Variants in ZFYVE1 observed in about 807,000 individuals in gnomAD.
The protein encoded by ZFYVE1 is zinc finger FYVE domain-containing protein 1.
A neutral mutation model predicts 74.4 loss-of-function variants in ZFYVE1; 30 were observed. The ratio of observed to expected loss-of-function variants is 0.40; its 90% CI spans 0.30 to 0.55. ZFYVE1 has a LOEUF of 0.55. Ranked by LOEUF, ZFYVE1 falls within the 20% of genes least tolerant of loss-of-function variation. The probability of loss-of-function intolerance (pLI) is 0.42; values close to 1 mark genes in which losing one functional copy is unlikely to be tolerated. For missense variants in ZFYVE1, 703 were observed against 1,011.6 expected, an observed-to-expected ratio of 0.69 and a Z score of 4.14; for synonymous variants, 335 against 385.1, an observed-to-expected ratio of 0.87 and a Z score of 1.52.
chr14:73,016,577 G>A (rs950894998), intron 2 of ZFYVE1, among the ~76,000 whole-genome samples: 53 of 151,734 alleles, frequency 3.5e-4, no homozygotes, highest in African/African-American at 1.3e-3. Context: ...GTTCCACCGA[G>A]GCCTAGAAAA....
At chr14:73,014,331 G>T (rs771380167) in intron 2 of ZFYVE1, among the ~76,000 whole-genome samples, 15 of 152,176 alleles carry the variant, frequency 9.9e-5, no homozygotes, top group Non-Finnish European at 2.2e-4. Context: ...GCACATAATA[G>T]GGTTTCTTTC....
chr14:72,993,647 T>C (rs12881153), intron 3 of ZFYVE1, among the ~76,000 whole-genome samples: 45,550 of 150,378 alleles, frequency 0.3, 7,240 homozygotes, highest in Middle Eastern at 0.4. Context: ...TGCAGTAAGC[T>C]GAAATCGCAC....
chr14:72,973,176 C>T (rs1048586546), intron 11 of ZFYVE1, among the ~76,000 whole-genome samples: 1 of 152,036 alleles, frequency 6.6e-6, no homozygotes, highest in Non-Finnish European at 1.5e-5. Flanking sequence ...TGCCTGTCTG[C>T]AGTCCTAGGC....
At chr14:72,997,765 T>C in intron 3 of ZFYVE1, 46 bp downstream of exon 3, 1 of 1,532,958 alleles carries the variant, frequency 6.5e-7, no homozygotes, top group African/African-American at 1.4e-5. Context: ...AGCTGCCTCC[T>C]TGTACCCATA....
intron 2 of ZFYVE1, among the ~76,000 whole-genome samples, chr14:73,013,225 T>C (rs1894124941): frequency 6.6e-6 from 1 of 152,172 alleles, no homozygotes; most frequent in African/African-American, 2.4e-5. Context: ...GGAAAACTTC[T>C]CTGCCCCAAG....
chr14:72,988,577 T>C (rs61986507), intron 4 of ZFYVE1, among the ~76,000 whole-genome samples: 23,640 of 150,520 alleles, frequency 0.16, 1,901 homozygotes, highest in East Asian at 0.2. Flanking sequence ...GAGGCGGAGG[T>C]GGGCGGGTCA....
chr14:73,008,732 T>A (rs1263842454), intron 2 of ZFYVE1, among the ~76,000 whole-genome samples: 1 of 152,138 alleles, frequency 6.6e-6, no homozygotes, highest in Non-Finnish European at 1.5e-5. Context: ...GCATAGCATA[T>A]CCATATTTGG....
intron 11 of ZFYVE1, among the ~76,000 whole-genome samples, chr14:72,973,601 A>G (rs778427852): frequency 7.2e-5 from 11 of 152,154 alleles, no homozygotes; most frequent in Non-Finnish European, 1.2e-4. Context: ...TGCCAAAGAA[A>G]CCACTGAAGA....
intron 11 of ZFYVE1, among the ~76,000 whole-genome samples, chr14:72,971,326 T>C (rs1298641555): frequency 6.6e-6 from 1 of 152,190 alleles, no homozygotes; most frequent in Non-Finnish European, 1.5e-5. Flanking sequence ...TTTTCCCTTT[T>C]CCTTTTTCAC....
intron 4 of ZFYVE1, among the ~76,000 whole-genome samples, chr14:72,983,385 TCCC>T (rs370638041): frequency 7.1e-5 from 9 of 127,620 alleles, no homozygotes; most frequent in Non-Finnish European, 1.1e-4. Context: ...TGTGTGATGT[TCCC>T]CCCCTTCCTG....
chr14:73,014,876 G>A (rs530959396), intron 2 of ZFYVE1, among the ~76,000 whole-genome samples: 1 of 152,258 alleles, frequency 6.6e-6, no homozygotes, highest in African/African-American at 2.4e-5. Context: ...ATGAACAGCA[G>A]ACAAGCCTGA....
At chr14:73,013,859 G>A (rs542651505) in intron 2 of ZFYVE1, among the ~76,000 whole-genome samples, 19 of 152,232 alleles carry the variant, frequency 1.2e-4, no homozygotes, top group Admixed American at 1.0e-3. Flanking sequence ...ATGATCTCAT[G>A]AGAGCTCCTC....
Position 72,984,326 on chromosome 14 carries a change from C to T in ZFYVE1, c.1204-2431G>A, listed in dbSNP as rs375591026. 1.1e-3 allele frequency among the ~76,000 whole-genome samples: 161 copies of T among 152,138 alleles called. 4 individuals carry two copies. The South Asian group carries it at 0.032, about 30-fold the overall frequency. On this transcript the variant is annotated intron_variant, in intron 4 of 11. Coordinates refer to ENST00000556143, the MANE Select transcript of ZFYVE1 (RefSeq NM_021260.4). ...TGGGTGGATCACGAGGTCAGGAGTT[C>T]GAGACCAGCCTGTCCAGCATGGTGA...
chr14:72,998,340 T>G, intron 2 of ZFYVE1, 25 bp from the exon 3 acceptor site: 11 of 1,398,166 alleles, frequency 7.9e-6, no homozygotes, highest in Non-Finnish European at 8.6e-6. Context: ...AAAAAGACCA[T>G]GAAATACAGA....
intron 2 of ZFYVE1, among the ~76,000 whole-genome samples, chr14:73,007,851 G>A (rs1001901418): frequency 5.9e-5 from 9 of 152,140 alleles, no homozygotes; most frequent in African/African-American, 2.2e-4. Context: ...ATCCTAAAGG[G>A]TATGTATACC....
At chr14:73,007,972 C>G (rs114632018) in intron 2 of ZFYVE1, among the ~76,000 whole-genome samples, 128 of 152,328 alleles carry the variant, frequency 8.4e-4, no homozygotes, top group African/African-American at 3.0e-3. Context: ...CACAAACACA[C>G]TGAGCACATT....
Position 72,974,942 on chromosome 14 carries a change from C to T in ZFYVE1, c.1824G>A (p.Ala608=), listed in dbSNP as rs767647999. The change falls in exon 10 of 12, where the codon GCG becomes GCA. Residue 608 remains alanine, a synonymous_variant. Transcript: ENST00000556143. ...TAGTGTCGTTATCTTTAAAGGACGT[C>T]GCACACTTGTTGCAGCTCTGTTCCA... ...NSQILSCNKC[A]TSFKDNDTKH... The T allele has an allele frequency of 3.1e-6, 5 of 1,611,190 alleles. No homozygotes were observed. In the African/African-American group the frequency reaches 4.0e-5, roughly 13 times the overall value.
intron 2 of ZFYVE1, among the ~76,000 whole-genome samples, chr14:73,006,455 A>G (rs916041448): frequency 6.6e-6 from 1 of 151,530 alleles, no homozygotes; most frequent in Admixed American, 6.6e-5. Context: ...CATGCCTGTA[A>G]TCCCAGCTAC....
chr14:73,010,744 T>C lies in ZFYVE1; in HGVS notation c.484-12429A>G, dbSNP rs180721320. On this transcript the variant is annotated intron_variant, in intron 2 of 11. Coordinates refer to ENST00000556143, the MANE Select transcript of ZFYVE1 (RefSeq NM_021260.4). ...GAGATTGTGCCACTGCACTCCAGCC[T>C]GGGTGACAGAGCAAGACTCCATCTA... is the stretch of plus-strand genomic sequence containing the variant. 4.9e-5 allele frequency among the ~76,000 whole-genome samples: 6 copies of C among 122,592 alleles called. No homozygotes were observed. The East Asian group carries it at 1.3e-3, about 27-fold the overall frequency. The allele number at this position is 122,592 out of a possible 152,430, so 80.4% of individuals were successfully genotyped here.
Sources: gnomAD v4.1 joint callset for allele counts (sites outside exome capture counted in the v4.1 genomes callset) on GRCh38, gnomAD v4.1.1 for gene constraint, MANE v1.5 for transcripts, NCBI Gene and HGNC (gene_info 2026-07-23, HGNC 2026-07-21) for gene names.